The following CYP2C18 variants were observed in gnomAD, a reference collection of about 807,000 sequenced individuals.
CYP2C18 encodes the protein cytochrome P450 2C18.
A neutral mutation model predicts 41.3 loss-of-function variants in CYP2C18; 38 were observed. The observed-to-expected ratio is 0.92, with a 90% CI of 0.71 to 1.21. The LOEUF (loss-of-function observed/expected upper bound fraction) is 1.21, where lower values mean the gene tolerates loss of function less well. Ranked by LOEUF, CYP2C18 falls within the 50% of genes most tolerant of loss-of-function variation. CYP2C18 has a pLI of 0.00. For missense variants in CYP2C18, 635 were observed against 591.4 expected (o/e 1.07, Z -0.77); for synonymous variants, 236 against 210.0 (o/e 1.12, Z -1.07).
chr10:94,718,537 C>T (rs1847594689), intron 5 of CYP2C18, among the ~76,000 whole-genome samples: 1 of 152,096 alleles, frequency 6.6e-6, no homozygotes, highest in South Asian at 2.1e-4. Context: ...ATGGGAAAAT[C>T]CTTCAACTTT....
At chr10:94,734,261 A>G (rs927359342) in intron 8 of CYP2C18, among the ~76,000 whole-genome samples, 2 of 152,162 alleles carry the variant, frequency 1.3e-5, no homozygotes, top group Non-Finnish European at 2.9e-5. Flanking sequence ...CATCTTGGAT[A>G]TTCAATCTCT....
intron 4 of CYP2C18, among the ~76,000 whole-genome samples, chr10:94,696,924 TA>T (rs1847128836): frequency 6.6e-6 from 1 of 151,832 alleles, no homozygotes; most frequent in Non-Finnish European, 1.5e-5. Context: ...AAGAGAAGTT[TA>T]GCAAAAAAAG....
At chr10:94,729,042 A>T (rs1847788951) in intron 7 of CYP2C18, among the ~76,000 whole-genome samples, 1 of 152,116 alleles carries the variant, frequency 6.6e-6, no homozygotes, top group Non-Finnish European at 1.5e-5. Context: ...TCTATCTAAA[A>T]GTTGCTTACG....
intron 3 of CYP2C18, among the ~76,000 whole-genome samples, chr10:94,691,778 A>G (rs1176328851): frequency 6.6e-6 from 1 of 152,218 alleles, no homozygotes; most frequent in East Asian, 1.9e-4. Flanking sequence ...AAACTATACT[A>G]CAAGGCTACA....
At chr10:94,700,913 A>G (rs1373789990) in intron 4 of CYP2C18, among the ~76,000 whole-genome samples, 2 of 152,226 alleles carry the variant, frequency 1.3e-5, no homozygotes, top group Non-Finnish European at 2.9e-5. Flanking sequence ...ATCAAACCAC[A>G]ATGAGATACC....
chr10:94,716,578 G>T (rs1847548264), intron 5 of CYP2C18, among the ~76,000 whole-genome samples: 2 of 152,126 alleles, frequency 1.3e-5, no homozygotes, highest in Admixed American at 6.6e-5. Context: ...TTTTACATTT[G>T]CTGAGGAGTG....
Position 94,735,406 on chromosome 10 carries a change from G to T in CYP2C18, c.1435G>T (p.Val479Leu). 3 of 1,613,696 alleles carry T rather than the reference G, an allele frequency of 1.9e-6. No individual in the cohort carries two copies. The highest frequency in any genetic ancestry group is 2.5e-6 in the Non-Finnish European group (3 of 1,179,684). ...CCCCATTGCCAATGCATTTGGTCGT[G>T]TGCCACCCTTGTACCAGCTCTGCTT... ...ITPIANAFGR[V>L]PPLYQLCFIP... is the part of the protein sequence containing the mutation. The change falls in exon 9 of 9, where the codon GTG (valine) becomes TTG (leucine). Residue 479 changes from valine to leucine, a missense_variant. By Grantham distance (32) the Val-to-Leu change is conservative (BLOSUM62 1). Coordinates refer to ENST00000285979, the MANE Select transcript of CYP2C18 (RefSeq NM_000772.3).
chr10:94,684,778 G>C (rs1846854030), intron 1 of CYP2C18, among the ~76,000 whole-genome samples: 1 of 151,866 alleles, frequency 6.6e-6, no homozygotes, highest in Non-Finnish European at 1.5e-5. Flanking sequence ...CATCCATACT[G>C]TTTTCTCAAA....
In CYP2C18 at chr10:94,706,840, A is replaced by G. The variant is rs1200254377; in HGVS notation, c.699A>G (p.Ile233Met). Residue 233 changes from isoleucine (I) to methionine (M), a missense_variant, in exon 5 of 9, where the codon ATA becomes ATG. Ile to Met is a conservative substitution (Grantham distance 10). Transcript: ENST00000285979. ...IDYLPGSHNK[I>M]AENFAYIKSY... ...ATCTCCCAGGAAGTCATAATAAAAT[A>G]GCTGAAAATTTTGCTTACATTAAAA... 1.9e-6 allele frequency: 3 copies of G among 1,608,096 alleles called. No homozygotes were observed. The highest frequency in any genetic ancestry group is 2.6e-6 in the Non-Finnish European group (3 of 1,175,230).
chr10:94,695,769 G>A lies in CYP2C18; in HGVS notation c.642+692G>A, dbSNP rs532220865. Reference sequence around the variant, plus strand: ...GGTGACAGATGGCACCTGGAAAATCGGGTCACTCCCACCCTAATATGGTGC... The same window carrying A: ...GGTGACAGATGGCACCTGGAAAATCAGGTCACTCCCACCCTAATATGGTGC... On this transcript the variant is annotated intron_variant, in intron 4 of 8. Coordinates refer to ENST00000285979, the MANE Select transcript of CYP2C18 (RefSeq NM_000772.3). Among the ~76,000 whole-genome samples, 73 of 152,140 alleles carry A rather than the reference G, an allele frequency of 4.8e-4. 1 individual carries two copies. The highest frequency in any genetic ancestry group is 2.1e-3 in the South Asian group (10 of 4,816).
intron 3 of CYP2C18, among the ~76,000 whole-genome samples, chr10:94,692,453 A>T (rs887728563): frequency 1.7e-4 from 26 of 152,256 alleles, no homozygotes; most frequent in Non-Finnish European, 3.1e-4. Flanking sequence ...GAGAAATGCA[A>T]ATCAAAACCA....
chr10:94,709,388 T>C (rs1847396165), intron 5 of CYP2C18, among the ~76,000 whole-genome samples: 1 of 152,200 alleles, frequency 6.6e-6, no homozygotes, highest in African/African-American at 2.4e-5. Context: ...TGCTTACTGG[T>C]CATTTGTGTA....
At chr10:94,688,344 A>G (rs1846934370) in intron 3 of CYP2C18, 70 bp downstream of exon 3, 2 of 1,508,100 alleles carry the variant, frequency 1.3e-6, no homozygotes, top group Non-Finnish European at 8.9e-7. Context: ...AGATTGATAC[A>G]TAACTTTTAT....
chr10:94,687,712 A>AAT, intron 1 of CYP2C18, 58 bp from the exon 2 acceptor site: 2 of 1,448,552 alleles, frequency 1.4e-6, no homozygotes, highest in Non-Finnish European at 1.9e-6. Flanking sequence ...AATCACGGAC[A>AAT]ATATATAGAC....
intron 4 of CYP2C18, among the ~76,000 whole-genome samples, chr10:94,698,029 A>T (rs1414755788): frequency 6.6e-6 from 1 of 152,132 alleles, no homozygotes; most frequent in African/African-American, 2.4e-5. Flanking sequence ...CACAATAATA[A>T]TGGGAGACTT....
intron 3 of CYP2C18, among the ~76,000 whole-genome samples, chr10:94,690,487 G>A (rs1846976683): frequency 6.6e-6 from 1 of 152,174 alleles, no homozygotes; most frequent in South Asian, 2.1e-4. Flanking sequence ...AAACCAGGAA[G>A]AAGTTGAATC....
intron 1 of CYP2C18, among the ~76,000 whole-genome samples, chr10:94,684,349 T>C (rs1846845305): frequency 6.6e-6 from 1 of 152,166 alleles, no homozygotes; most frequent in African/African-American, 2.4e-5. Flanking sequence ...TCCCCTTATT[T>C]GGCCCATCTC....
At chr10:94,697,133 C>T (rs946363489) in intron 4 of CYP2C18, among the ~76,000 whole-genome samples, 1 of 152,098 alleles carries the variant, frequency 6.6e-6, no homozygotes, top group African/African-American at 2.4e-5. Context: ...CAGAGAATGC[C>T]ACAAAGATAC....
At chr10:94,723,999 C>T (rs937507746) in intron 6 of CYP2C18, among the ~76,000 whole-genome samples, 1 of 151,938 alleles carries the variant, frequency 6.6e-6, no homozygotes, top group Admixed American at 6.6e-5. Flanking sequence ...ATATGTTATT[C>T]TGATACAACA....
Sources: gnomAD v4.1 joint callset for allele counts (sites outside exome capture counted in the v4.1 genomes callset) on GRCh38, gnomAD v4.1.1 for gene constraint, MANE v1.5 for transcripts, NCBI Gene and HGNC (gene_info 2026-07-23, HGNC 2026-07-21) for gene names.